ANKS1B: variants seen among roughly 807,000 people sequenced by gnomAD.
ANKS1B encodes ankyrin repeat and sterile alpha motif domain-containing protein 1B.
A neutral mutation model predicts 148.3 loss-of-function variants in ANKS1B; 36 were observed. The observed-to-expected ratio is 0.24, with a 90% CI of 0.19 to 0.32. ANKS1B has a LOEUF of 0.32. Among genes scored for constraint, ANKS1B ranks in the 10% least tolerant of loss-of-function variants. The probability of loss-of-function intolerance (pLI) is 1.00; values close to 1 mark genes in which losing one functional copy is unlikely to be tolerated. For missense variants in ANKS1B, 1,157 were observed against 1,542.6 expected, an observed-to-expected ratio of 0.75 and a Z score of 4.19; for synonymous variants, 542 against 560.8, an observed-to-expected ratio of 0.97 and a Z score of 0.47.
intron 12 of ANKS1B, among the ~76,000 whole-genome samples, chr12:99,378,723 T>C (rs1162957471): frequency 6.7e-6 from 1 of 149,690 alleles, no homozygotes; most frequent in African/African-American, 2.5e-5. Flanking sequence ...AGCCTCTGAA[T>C]TCTAGAACTG....
At position 99,063,577 on chromosome 12, in the gene ANKS1B, C is replaced by T. The variant is rs1043224987; in HGVS notation, c.2626-10268G>A. On this transcript the variant is annotated intron_variant, in intron 16 of 26. Coordinates refer to ENST00000683438, the MANE Select transcript of ANKS1B (RefSeq NM_001352186.2). ...CCTATCACCATCTGAGTGCTATCTA[C>T]GGCAGTGCAACTTTGCTGGGAGGGA... Among the ~76,000 whole-genome samples, 11 of 152,234 alleles carry T rather than the reference C, an allele frequency of 7.2e-5. 1 individual carries two copies. The highest frequency in any genetic ancestry group is 1.9e-4 in the East Asian group (1 of 5,196).
intron 2 of ANKS1B, among the ~76,000 whole-genome samples, chr12:99,821,635 T>C (rs1429517700): frequency 6.6e-6 from 1 of 152,028 alleles, no homozygotes; most frequent in Non-Finnish European, 1.5e-5. Flanking sequence ...TAAGAAGTGC[T>C]TACCTACCAA....
Position 99,495,342 on chromosome 12 carries a change from A to AGTGTGTGTGTGTGT in ANKS1B, c.1438+9120_1438+9133dup, listed in dbSNP as rs56107230. ...ACAAAATTGATTTCAGGGGAGAAAA[A>AGTGTGTGTGTGTGT]GTGTGTGTGTGTGTGTGTGTGTGTG... On this transcript the variant is annotated intron_variant, in intron 10 of 26. Transcript: ENST00000683438. Among the ~76,000 whole-genome samples, 193 of 145,390 alleles carry AGTGTGTGTGTGTGT rather than the reference A, an allele frequency of 1.3e-3. 1 individual carries two copies. The highest frequency in any genetic ancestry group is 4.5e-3 in the African/African-American group (175 of 39,232).
At chr12:99,441,760 G>C (rs1013670109) in intron 11 of ANKS1B, among the ~76,000 whole-genome samples, 1 of 151,866 alleles carries the variant, frequency 6.6e-6, no homozygotes, top group Non-Finnish European at 1.5e-5. Context: ...AGTAACGACA[G>C]CACCAAGAAA....
chr12:98,770,701 G>A (rs934972733), intron 25 of ANKS1B, among the ~76,000 whole-genome samples: 1 of 152,010 alleles, frequency 6.6e-6, no homozygotes. Context: ...CATGTAGCAT[G>A]ATACAAATGC....
intron 25 of ANKS1B, among the ~76,000 whole-genome samples, chr12:98,771,787 T>A (rs1201527127): frequency 6.6e-6 from 1 of 152,180 alleles, no homozygotes; most frequent in Non-Finnish European, 1.5e-5. Flanking sequence ...CCAAGACTAA[T>A]TTCTGAATGA....
intron 12 of ANKS1B, among the ~76,000 whole-genome samples, chr12:99,334,217 C>T (rs1603078874): frequency 6.8e-6 from 1 of 147,988 alleles, no homozygotes; most frequent in Non-Finnish European, 1.5e-5. Context: ...TACATAGATA[C>T]ATAGAAAGAT....
intron 12 of ANKS1B, among the ~76,000 whole-genome samples, chr12:99,334,643 CTA>C (rs1468546961): frequency 2.0e-5 from 3 of 151,962 alleles, no homozygotes; most frequent in Non-Finnish European, 4.4e-5. Flanking sequence ...GTTTTCCTCC[CTA>C]GAGAGTGATT....
intron 14 of ANKS1B, among the ~76,000 whole-genome samples, chr12:99,155,517 T>C (rs990639478): frequency 1.3e-5 from 2 of 152,080 alleles, no homozygotes; most frequent in African/African-American, 2.4e-5. Context: ...AAATTAGCTA[T>C]AAAGGTAACA....
intron 9 of ANKS1B, among the ~76,000 whole-genome samples, chr12:99,536,933 A>G (rs1326041234): frequency 1.3e-5 from 2 of 152,164 alleles, no homozygotes; most frequent in Non-Finnish European, 2.9e-5. Context: ...AGCCTCTGGT[A>G]ACCATCCTCC....
At chr12:99,730,897 G>C (rs1188788812) in intron 8 of ANKS1B, among the ~76,000 whole-genome samples, 1 of 152,018 alleles carries the variant, frequency 6.6e-6, no homozygotes, top group South Asian at 2.1e-4. Flanking sequence ...ATGGTATGTT[G>C]TTGGGTATTT....
At chr12:99,460,119 T>C (rs12317966) in intron 10 of ANKS1B, among the ~76,000 whole-genome samples, 6,717 of 152,136 alleles carry the variant, frequency 0.044, 510 homozygotes, top group African/African-American at 0.16. Context: ...GCCAAATGTT[T>C]ACTGTCAACC....
rs1568064748 is a variant in ANKS1B at position 98,965,829 on chromosome 12, A to G, written c.2778+87328T>C. Among the ~76,000 whole-genome samples, 9 of 152,334 alleles carry G rather than the reference A, an allele frequency of 5.9e-5. No homozygotes were observed. The South Asian group carries it at 1.0e-3, about 18-fold the overall frequency. ...TCCTTATTTAATAAATGGTGCTGGG[A>G]AAACTGGCTAGCCATATGTAGAAAG... On this transcript the variant is annotated intron_variant, in intron 17 of 26. Coordinates refer to ENST00000683438, the MANE Select transcript of ANKS1B (RefSeq NM_001352186.2).
chr12:98,851,472 G>A (rs2099525522), intron 17 of ANKS1B, among the ~76,000 whole-genome samples: 1 of 152,104 alleles, frequency 6.6e-6, no homozygotes, highest in South Asian at 2.1e-4. Flanking sequence ...GACACAACAG[G>A]ACATGTCTGT....
intron 8 of ANKS1B, among the ~76,000 whole-genome samples, chr12:99,759,143 G>A (rs939324714): frequency 6.6e-6 from 1 of 151,738 alleles, no homozygotes; most frequent in Admixed American, 6.6e-5. Context: ...CATTATTAAT[G>A]ATTTGATAGC....
At chr12:99,927,285 G>A (rs924445748) in intron 1 of ANKS1B, among the ~76,000 whole-genome samples, 1 of 152,086 alleles carries the variant, frequency 6.6e-6, no homozygotes. Flanking sequence ...AAACTGGTTT[G>A]AATTAGGTTT....
intron 1 of ANKS1B, among the ~76,000 whole-genome samples, chr12:99,887,048 T>C (rs1233788695): frequency 6.6e-6 from 1 of 152,208 alleles, no homozygotes; most frequent in Non-Finnish European, 1.5e-5. Flanking sequence ...CCTGGCCTTG[T>C]AGAAATGATC....
At position 98,801,091 on chromosome 12, in the gene ANKS1B, C is replaced by T. The variant is rs1207598934; in HGVS notation, c.3176G>A (p.Arg1059Gln). Residue 1059 changes from arginine to glutamine, a missense_variant, in exon 21 of 27, where the codon CGA becomes CAA. Around this residue, in one of 6 missense-constraint regions of ANKS1B, gnomAD observed 258 missense variants for 497.0 expected, o/e 0.52. Coordinates refer to ENST00000683438, the MANE Select transcript of ANKS1B (RefSeq NM_001352186.2). The surrounding 1 kb of genome is among the most constrained non-coding windows in gnomAD (Gnocchi z 5.2). ...AGAGGCTGTGGCTTCATTCGGAGGT[C>T]GCAAGGTAATGGAAGGTTCTCCCCA... is the stretch of plus-strand genomic sequence containing the variant. ...GDWGEPSITL[R>Q]PPNEATASTP... The T allele has an allele frequency of 7.4e-6, 12 of 1,612,416 alleles. No homozygotes were observed. The highest frequency in any genetic ancestry group is 2.2e-5 in the East Asian group (1 of 44,804).
At chr12:99,376,337 T>A (rs892509331) in intron 12 of ANKS1B, among the ~76,000 whole-genome samples, 2 of 152,216 alleles carry the variant, frequency 1.3e-5, no homozygotes, top group African/African-American at 4.8e-5. Flanking sequence ...TGTTGCACAC[T>A]CAGGTGAGCA....
Sources: allele counts gnomAD v4.1 joint callset (sites outside exome capture counted in the v4.1 genomes callset), GRCh38; gene constraint gnomAD v4.1.1; regional missense constraint gnomAD v4.1.1; non-coding constraint Gnocchi (gnomAD v3.1); transcripts MANE v1.5; gene names NCBI Gene and HGNC (gene_info 2026-07-23, HGNC 2026-07-21).